The following IGFBP7 variants were observed in gnomAD, a reference collection of about 807,000 sequenced individuals.
The protein encoded by IGFBP7 is insulin-like growth factor-binding protein 7.
In IGFBP7, 31 loss-of-function variants were observed where a neutral mutation model predicts 29.4. That is an observed-to-expected ratio of 1.05 (90% CI 0.79 to 1.42). The LOEUF is 1.42. IGFBP7 is among the 40% of genes most tolerant of loss of function. The probability of loss-of-function intolerance (pLI) is 0.00; values close to 1 mark genes in which losing one functional copy is unlikely to be tolerated. For missense variants in IGFBP7, 393 were observed against 395.5 expected, an observed-to-expected ratio of 0.99 and a Z score of 0.05; for synonymous variants, 172 against 174.9, an observed-to-expected ratio of 0.98 and a Z score of 0.13.
At chr4:57,109,275 AC>A (rs1726111335) in intron 1 of IGFBP7, among the ~76,000 whole-genome samples, 3 of 150,712 alleles carry the variant, frequency 2.0e-5, no homozygotes, top group Non-Finnish European at 4.4e-5. Flanking sequence ...ACAAAACAAA[AC>A]AAAAAACCAA....
intron 1 of IGFBP7, among the ~76,000 whole-genome samples, chr4:57,087,521 C>A (rs1111628): frequency 2.0e-5 from 3 of 152,320 alleles, no homozygotes; most frequent in Non-Finnish European, 2.9e-5. Flanking sequence ...ACAGGAGTCC[C>A]TGGGCACTAC....
chr4:57,096,121 C>T (rs1234639013), intron 1 of IGFBP7, among the ~76,000 whole-genome samples: 2 of 151,620 alleles, frequency 1.3e-5, no homozygotes, highest in Non-Finnish European at 2.9e-5. Context: ...TTTTGGGATA[C>T]ATTTTTAAAA....
At chr4:57,075,620 C>CT (rs1725203369) in intron 1 of IGFBP7, among the ~76,000 whole-genome samples, 1 of 148,016 alleles carries the variant, frequency 6.8e-6, no homozygotes, top group Non-Finnish European at 1.5e-5. Flanking sequence ...CCATAAAAAG[C>CT]ACACTAAGCT....
chr4:57,042,299 C>T (rs1724247493), intron 1 of IGFBP7, among the ~76,000 whole-genome samples: 1 of 152,198 alleles, frequency 6.6e-6, no homozygotes, highest in African/African-American at 2.4e-5. Flanking sequence ...TCTGTTTTTG[C>T]ATGGCTTATG....
intron 1 of IGFBP7, among the ~76,000 whole-genome samples, chr4:57,072,123 T>C (rs1714019): frequency 0.42 from 64,523 of 151,916 alleles, 15,690 homozygotes; most frequent in Admixed American, 0.56. Flanking sequence ...TCGATAGTTA[T>C]CTTTCCTGCT....
At chr4:57,096,955 T>G (rs35297343) in intron 1 of IGFBP7, among the ~76,000 whole-genome samples, 1 of 152,178 alleles carries the variant, frequency 6.6e-6, no homozygotes. Flanking sequence ...CCAATAAGAC[T>G]CTAAAAGCCA....
intron 2 of IGFBP7, among the ~76,000 whole-genome samples, chr4:57,040,018 G>A (rs1466942755): frequency 1.3e-5 from 2 of 152,054 alleles, no homozygotes; most frequent in Non-Finnish European, 2.9e-5. Context: ...TGGGGCTGGG[G>A]CCAGCATTTA....
At chr4:57,106,044 C>G (rs1020660553) in intron 1 of IGFBP7, among the ~76,000 whole-genome samples, 7 of 151,406 alleles carry the variant, frequency 4.6e-5, no homozygotes, top group Non-Finnish European at 8.8e-5. Flanking sequence ...GTAGCTGGGA[C>G]TACAGGTGCC....
At chr4:57,035,716 C>T (rs56296916) in intron 2 of IGFBP7, among the ~76,000 whole-genome samples, 25,894 of 152,122 alleles carry the variant, frequency 0.17, 2,803 homozygotes, top group Middle Eastern at 0.31. Flanking sequence ...TTGCCTTGGC[C>T]TCCCAAAGTG....
intron 1 of IGFBP7, among the ~76,000 whole-genome samples, chr4:57,043,971 C>G (rs1167841333): frequency 6.6e-6 from 1 of 152,258 alleles, no homozygotes; most frequent in African/African-American, 2.4e-5. Context: ...TCATGCTGCT[C>G]TGTTCTCCTT....
At position 57,046,995 on chromosome 4, in the gene IGFBP7, C is replaced by G. The variant is rs577079613; in HGVS notation, c.476-6062G>C. Among the ~76,000 whole-genome samples the G allele has an allele frequency of 1.3e-4, 20 of 152,292 alleles. 1 individual carries two copies. In the South Asian group the frequency reaches 4.1e-3, roughly 32 times the overall value. On this transcript the variant is annotated intron_variant, in intron 1 of 4. Transcript: ENST00000295666. ...ATTTTTTATAACTCTCGCTCAGTAA[C>G]TTTAGAGTGTCTCTTCCTTTTGATC...
Position 57,110,259 on chromosome 4 carries a change from G to T in IGFBP7, c.93C>A (p.Thr31=), listed in dbSNP as rs1297662874. 1.4e-6 allele frequency: 2 copies of T among 1,418,892 alleles called. No individual in the cohort carries two copies. The highest frequency in any genetic ancestry group is 9.2e-7 in the Non-Finnish European group (1 of 1,087,794). 87.9% of individuals were successfully genotyped at this position (1,418,892 alleles called of 1,614,324 possible). A position where few individuals can be genotyped will look rare whatever the true frequency, so the allele number is the denominator to read the frequency against. ...LPLSSSSSSD[T]CGPCEPASCP... ...AGGAGGCCGGCTCGCAGGGGCCGCA[G>T]GTGTCCGAAGAGGAGGAAGAGGAGA... Residue 31 remains threonine, a synonymous_variant, in exon 1 of 5, where the codon ACC becomes ACA. Coordinates refer to ENST00000295666, the MANE Select transcript of IGFBP7 (RefSeq NM_001553.3).
intron 1 of IGFBP7, among the ~76,000 whole-genome samples, chr4:57,096,027 A>C (rs1201805889): frequency 1.3e-5 from 2 of 152,114 alleles, no homozygotes; most frequent in East Asian, 3.9e-4. Context: ...ATAGATAAAA[A>C]GCACTGGGCT....
chr4:57,040,684 C>G, intron 2 of IGFBP7, 140 bp downstream of exon 2: 2 of 692,150 alleles, frequency 2.9e-6, no homozygotes, highest in African/African-American at 3.5e-5. Flanking sequence ...AGGGGAGGGG[C>G]CTGTATGACT....
intron 1 of IGFBP7, among the ~76,000 whole-genome samples, chr4:57,103,660 C>CTTTTTTTTTTTT (rs59173874): frequency 3.6e-4 from 31 of 86,496 alleles, no homozygotes; most frequent in Non-Finnish European, 5.4e-4. Context: ...TTTTTCTTTT[C>CTTTTTTTTTTTT]TTTTTTTTTT....
intron 1 of IGFBP7, among the ~76,000 whole-genome samples, chr4:57,081,990 A>C (rs1718829): frequency 0.62 from 94,735 of 151,956 alleles, 31,632 homozygotes; most frequent in Non-Finnish European, 0.74. Flanking sequence ...GGTGAAAGGC[A>C]CTGTTGTAGA....
rs1428005481 is a variant in IGFBP7 at position 57,110,222 on chromosome 4, G to C, written c.130C>G (p.Pro44Ala). ...TCGCCCAGCAGGCAGCCCAGCGGGG[G>C]CAGGGGCGGGCAGGAGGCCGGCTCG... is the stretch of plus-strand genomic sequence containing the variant. ...PCEPASCPPL[P>A]PLGCLLGETR... Residue 44 changes from proline to alanine, a missense_variant, in exon 1 of 5, where the codon CCC (proline) becomes GCC (alanine). Transcript: ENST00000295666. The C allele has an allele frequency of 5.1e-6, 7 of 1,377,206 alleles. No homozygotes were observed. Among genetic ancestry groups the C allele is most frequent in the Non-Finnish European group, 6.5e-6 (7 of 1,070,214 alleles). 85.3% of individuals were successfully genotyped at this position (1,377,206 alleles called of 1,614,324 possible).
intron 1 of IGFBP7, among the ~76,000 whole-genome samples, chr4:57,074,990 C>T (rs1043230338): frequency 1.3e-5 from 2 of 152,216 alleles, no homozygotes; most frequent in African/African-American, 4.8e-5. Flanking sequence ...CTTGACTGAT[C>T]ACACGTCAAA....
chr4:57,053,152 T>C (rs1286448345), intron 1 of IGFBP7, among the ~76,000 whole-genome samples: 1 of 151,916 alleles, frequency 6.6e-6, no homozygotes, highest in Non-Finnish European at 1.5e-5. Flanking sequence ...GAGTAGCTGA[T>C]ACTACAGGCA....
Sources: allele counts gnomAD v4.1 joint callset (sites outside exome capture counted in the v4.1 genomes callset), GRCh38; gene constraint gnomAD v4.1.1; transcripts MANE v1.5; gene names NCBI Gene and HGNC (gene_info 2026-07-23, HGNC 2026-07-21).